ADGRL2: variants seen among roughly 807,000 people sequenced by gnomAD.
The protein encoded by ADGRL2 is adhesion G protein-coupled receptor L2.
ADGRL2 carries 44 observed loss-of-function variants against 157.4 expected under a neutral mutation model. The observed-to-expected ratio is 0.28, with a 90% CI of 0.22 to 0.36. The LOEUF (loss-of-function observed/expected upper bound fraction) is 0.36, where lower values mean the gene tolerates loss of function less well. Among genes scored for constraint, ADGRL2 ranks in the 10% least tolerant of loss-of-function variants. The probability of loss-of-function intolerance (pLI) is 1.00; values close to 1 mark genes in which losing one functional copy is unlikely to be tolerated. For missense variants in ADGRL2, 1,510 were observed against 1,768.9 expected (o/e 0.85, Z 2.63); for synonymous variants, 585 against 624.7 (o/e 0.94, Z 0.95).
In ADGRL2 at chr1:81,703,736, T is replaced by C. The variant is rs186524333; in HGVS notation, c.-143+3928T>C. On this transcript the variant is annotated intron_variant, in intron 1 of 20. Transcript: ENST00000359929. ...AATGGAAACTGGTTATTATAAAGTT[T>C]CACTTAAACATTAACTTGTGCCAAG... Among the ~76,000 whole-genome samples the C allele has an allele frequency of 2.0e-5, 3 of 152,348 alleles. No homozygotes were observed. The East Asian group carries it at 5.8e-4, about 29-fold the overall frequency.
intron 2 of ADGRL2, among the ~76,000 whole-genome samples, chr1:81,905,093 A>G (rs1221054240): frequency 6.7e-6 from 1 of 149,424 alleles, no homozygotes; most frequent in Non-Finnish European, 1.5e-5. Context: ...CTTTTTCCTT[A>G]CTATACTTTT....
intron 2 of ADGRL2, among the ~76,000 whole-genome samples, chr1:81,893,879 A>C (rs2094324116): frequency 6.6e-6 from 1 of 152,204 alleles, no homozygotes; most frequent in African/African-American, 2.4e-5. Flanking sequence ...TAAAAACCTT[A>C]TCATTTCATT....
chr1:81,457,858 T>A (rs940587559), intron 2 of ADGRL2, among the ~76,000 whole-genome samples: 5 of 152,198 alleles, frequency 3.3e-5, no homozygotes, highest in Non-Finnish European at 5.9e-5. Context: ...TCATTATTGA[T>A]GTCATTCTGG....
At chr1:81,554,005 G>A (rs1456660648) in intron 2 of ADGRL2, among the ~76,000 whole-genome samples, 8 of 152,148 alleles carry the variant, frequency 5.3e-5, no homozygotes, top group Admixed American at 5.2e-4. Flanking sequence ...ACACAAGTTT[G>A]GAGAATATGG....
chr1:81,391,640 G>A (rs997085670), intron 1 of ADGRL2, among the ~76,000 whole-genome samples: 2 of 65,050 alleles, frequency 3.1e-5, no homozygotes, highest in Admixed American at 1.7e-4. Context: ...CACGGCAGAG[G>A]TTTATCCTTG....
chr1:81,987,791 A>C lies in ADGRL2; in HGVS notation c.3638-78A>C, dbSNP rs1416471087. On this transcript the variant is annotated intron_variant, in intron 22 of 23. Transcript: ENST00000686636. The stretch of plus-strand genomic sequence containing the variant: ...AGAACTTGGTTTCCATTTTTTTCTT[A>C]AAATTATTTTTTAATGTAACTGCAG... 3.0e-5 allele frequency: 8 copies of C among 268,038 alleles called. No homozygotes were observed. The Admixed American group carries it at 3.7e-4, about 13-fold the overall frequency. The allele number at this position is 268,038 out of a possible 1,614,324, so 16.6% of individuals were successfully genotyped here. A position where few individuals can be genotyped will look rare whatever the true frequency, so the allele number is the denominator to read the frequency against.
intron 7 of ADGRL2, 69 bp from the exon 8 acceptor site, chr1:81,950,949 A>G: frequency 1.0e-6 from 1 of 965,162 alleles, no homozygotes; most frequent in South Asian, 1.3e-5. Flanking sequence ...CAGGATCATC[A>G]TAGCTGATTC....
intron 1 of ADGRL2, among the ~76,000 whole-genome samples, chr1:81,351,464 A>C (rs908707302): frequency 1.3e-5 from 2 of 152,158 alleles, no homozygotes; most frequent in African/African-American, 4.8e-5. Context: ...GTATTATGAC[A>C]AGGATGATAA....
intron 2 of ADGRL2, among the ~76,000 whole-genome samples, chr1:81,562,879 C>A (rs990162129): frequency 1.3e-5 from 2 of 151,998 alleles, no homozygotes; most frequent in Admixed American, 6.6e-5. Flanking sequence ...ATTATTATTT[C>A]TATAATATTT....
At chr1:81,919,237 T>C (rs901666549) in intron 3 of ADGRL2, among the ~76,000 whole-genome samples, 5 of 152,158 alleles carry the variant, frequency 3.3e-5, no homozygotes, top group Admixed American at 3.3e-4. Flanking sequence ...AAAACATTTA[T>C]TTATTTAGTA....
At chr1:81,412,349 A>C (rs2076960062) in intron 1 of ADGRL2, among the ~76,000 whole-genome samples, 1 of 152,228 alleles carries the variant, frequency 6.6e-6, no homozygotes, top group Non-Finnish European at 1.5e-5. Flanking sequence ...TTTTGTGAAT[A>C]TAAATGAATA....
At chr1:81,655,194 T>G (rs533259523) in intron 3 of ADGRL2, among the ~76,000 whole-genome samples, 84 of 152,224 alleles carry the variant, frequency 5.5e-4, no homozygotes, top group Middle Eastern at 6.8e-3. Flanking sequence ...TAGAGACGGG[T>G]TTTCACTGTG....
Position 81,511,797 on chromosome 1 carries a change from AT to A in ADGRL2, c.-248+66719del, listed in dbSNP as rs918777038. On this transcript the variant is annotated intron_variant, in intron 2 of 24. Coordinates refer to the ADGRL2 transcript ENST00000370721. Reference sequence around the variant, plus strand: ...ATTATAGAGAAAACAATGTTCCGGAATTTTTTTTTTTCTTTAAACACTTATG... The same window carrying A: ...ATTATAGAGAAAACAATGTTCCGGAATTTTTTTTTTCTTTAAACACTTATG... Among the ~76,000 whole-genome samples, 683 of 148,660 alleles carry A rather than the reference AT, an allele frequency of 4.6e-3. 4 individuals are homozygous for A. Among genetic ancestry groups the A allele is most frequent in the African/African-American group, 0.015 (601 of 40,692 alleles).
intron 1 of ADGRL2, among the ~76,000 whole-genome samples, chr1:81,818,315 G>T (rs2149797579): frequency 6.6e-6 from 1 of 152,206 alleles, no homozygotes; most frequent in South Asian, 2.1e-4. Flanking sequence ...TACAGATAAG[G>T]TCTTGGATTT....
chr1:81,569,885 T>C (rs2080647126), intron 2 of ADGRL2, among the ~76,000 whole-genome samples: 1 of 152,172 alleles, frequency 6.6e-6, no homozygotes, highest in Admixed American at 6.5e-5. Context: ...TCTAAAGGTT[T>C]GACTGGGGCT....
chr1:81,511,371 G>T (rs1224489045), intron 2 of ADGRL2, among the ~76,000 whole-genome samples: 1 of 113,460 alleles, frequency 8.8e-6, no homozygotes, highest in Non-Finnish European at 1.7e-5. Flanking sequence ...GCAAGACCTT[G>T]TCTCAGAAAA....
chr1:81,320,889 C>T (rs1413484073), intron 1 of ADGRL2, among the ~76,000 whole-genome samples: 1 of 152,206 alleles, frequency 6.6e-6, no homozygotes, highest in African/African-American at 2.4e-5. Context: ...TAGCCTCTAA[C>T]AAAGTCATCC....
At chr1:81,826,146 T>C (rs913574421) in intron 1 of ADGRL2, among the ~76,000 whole-genome samples, 1 of 152,184 alleles carries the variant, frequency 6.6e-6, no homozygotes, top group Non-Finnish European at 1.5e-5. Context: ...TTTCATTTGT[T>C]TGTGTGTGTA....
At chr1:81,483,518 A>G (rs1354444250) in intron 2 of ADGRL2, among the ~76,000 whole-genome samples, 1 of 152,210 alleles carries the variant, frequency 6.6e-6, no homozygotes, top group African/African-American at 2.4e-5. Flanking sequence ...CAAGTAATTC[A>G]TTATTTTAAT....
Sources: allele counts gnomAD v4.1 joint callset (sites outside exome capture counted in the v4.1 genomes callset), GRCh38; gene constraint gnomAD v4.1.1; transcripts MANE v1.5; gene names NCBI Gene and HGNC (gene_info 2026-07-23, HGNC 2026-07-21).